NHSL1: variants seen among roughly 807,000 people sequenced by gnomAD.
The protein encoded by NHSL1 is NHS-like protein 1.
Under a neutral mutation model 95.0 loss-of-function variants are expected in NHSL1, and 48 were observed. The ratio of observed to expected loss-of-function variants is 0.51; its 90% CI spans 0.40 to 0.64. The LOEUF (loss-of-function observed/expected upper bound fraction) is 0.64, where lower values mean the gene tolerates loss of function less well. NHSL1 is among the 30% of genes least tolerant of loss of function. The probability of loss-of-function intolerance (pLI) is 0.00; values close to 1 mark genes in which losing one functional copy is unlikely to be tolerated. For missense variants in NHSL1, 1,971 were observed against 2,077.7 expected (o/e 0.95, Z 1.00); for synonymous variants, 783 against 833.9 (o/e 0.94, Z 1.05).
chr6:138,444,138 C>T (rs1252280212), intron 4 of NHSL1, among the ~76,000 whole-genome samples: 1 of 152,026 alleles, frequency 6.6e-6, no homozygotes, highest in Non-Finnish European at 1.5e-5. Flanking sequence ...TTACTCACTG[C>T]CTTTAATTGA....
chr6:138,673,030 G>GATA (rs747768393), intron 1 of NHSL1, among the ~76,000 whole-genome samples: 5 of 58,374 alleles, frequency 8.6e-5, no homozygotes, highest in African/African-American at 1.6e-4. Context: ...TAGATAGATA[G>GATA]GTAGATAGAT....
At chr6:138,437,411 TATAC>T (rs1307039272) in intron 5 of NHSL1, among the ~76,000 whole-genome samples, 8 of 71,550 alleles carry the variant, frequency 1.1e-4, no homozygotes, top group Admixed American at 2.2e-4. Flanking sequence ...TATACACACA[TATAC>T]ACACACACAC....
In NHSL1 at chr6:138,431,763, G is replaced by T. The variant is rs1775687505; in HGVS notation, c.2582C>A (p.Ala861Glu). The T allele has an allele frequency of 6.4e-7, 1 of 1,551,530 alleles. No homozygotes were observed. Among genetic ancestry groups the T allele is most frequent in the Admixed American group, 2.0e-5 (1 of 50,994 alleles). ...GYSSQSNTPT[A>E]LTPVPVFLKS... ...TAAAAACACAGGCACAGGGGTGAGT[G>T]CTGTGGGTGTATTCGACTGGCTGGA... The change falls in exon 6 of 8, where the codon GCA (alanine) becomes GAA (glutamate). Residue 861 changes from alanine to glutamate, a missense_variant. By Grantham distance (107) the Ala-to-Glu change is moderately radical (BLOSUM62 -1). Transcript: ENST00000343505. The surrounding 1 kb of genome is among the most constrained non-coding windows in gnomAD (Gnocchi z 4.0).
chr6:138,679,492 T>C (rs952378569), intron 1 of NHSL1, among the ~76,000 whole-genome samples: 6 of 152,320 alleles, frequency 3.9e-5, no homozygotes, highest in African/African-American at 1.2e-4. Context: ...AAGATAATGG[T>C]GGCCACTTCT....
At chr6:138,659,046 CTT>C (rs771033274) in intron 1 of NHSL1, among the ~76,000 whole-genome samples, 9 of 117,808 alleles carry the variant, frequency 7.6e-5, no homozygotes, top group South Asian at 2.9e-4. Flanking sequence ...TGTGGACTAT[CTT>C]TTTTTTTTTT....
upstream of NHSL1, among the ~76,000 whole-genome samples, chr6:138,499,848 C>A (rs1001669817): frequency 9.2e-5 from 14 of 152,114 alleles, no homozygotes; most frequent in Non-Finnish European, 1.3e-4. Flanking sequence ...GGGAAAAAAA[C>A]CAAACTATTG....
chr6:138,480,835 C>G (rs1419918004), intron 2 of NHSL1, among the ~76,000 whole-genome samples: 2 of 152,180 alleles, frequency 1.3e-5, no homozygotes, highest in African/African-American at 4.8e-5. Context: ...AAAGCTAATA[C>G]TACTGACACT....
chr6:138,644,556 C>T (rs1049405648), intron 1 of NHSL1, among the ~76,000 whole-genome samples: 1 of 152,132 alleles, frequency 6.6e-6, no homozygotes, highest in African/African-American at 2.4e-5. Flanking sequence ...AAAAAGTCAT[C>T]TGTATTGAAA....
At chr6:138,615,444 A>C (rs1250360757) in intron 1 of NHSL1, among the ~76,000 whole-genome samples, 1 of 152,168 alleles carries the variant, frequency 6.6e-6, no homozygotes, top group Non-Finnish European at 1.5e-5. Context: ...TTTTATATGG[A>C]AATAACCCAA....
rs775613037 is a variant in NHSL1 at position 138,430,442 on chromosome 6, C to T, written c.3903G>A (p.Ala1301=). 22 of 1,534,898 alleles carry T rather than the reference C, an allele frequency of 1.4e-5. No individual in the cohort carries two copies. Among genetic ancestry groups the T allele is most frequent in the South Asian group, 1.1e-4 (9 of 81,334 alleles). Residue 1301 remains alanine (A), a synonymous_variant, in exon 6 of 8, where the codon GCG becomes GCA. Coordinates refer to ENST00000343505, the MANE Select transcript of NHSL1 (RefSeq NM_001144060.2). The surrounding 1 kb of genome is among the most constrained non-coding windows in gnomAD (Gnocchi z 4.7). The part of the protein sequence containing the change: ...PKQEEPAENS[A]DTGGDGESCL... ...AGCTCTCCCCATCGCCCCCAGTATCCGCACTGTTCTCGGCTGGCTCCTCCT... is the reference window on the plus strand; with the variant it reads ...AGCTCTCCCCATCGCCCCCAGTATCTGCACTGTTCTCGGCTGGCTCCTCCT...
chr6:138,570,821 C>A (rs1373325953), intron 1 of NHSL1, among the ~76,000 whole-genome samples: 1 of 152,212 alleles, frequency 6.6e-6, no homozygotes, highest in East Asian at 1.9e-4. Flanking sequence ...ACATGGAAAA[C>A]ACAATCACGC....
intron 1 of NHSL1, among the ~76,000 whole-genome samples, chr6:138,612,931 T>C (rs572495133): frequency 1.3e-5 from 2 of 152,350 alleles, no homozygotes; most frequent in South Asian, 2.1e-4. Context: ...CTTTTAGTCT[T>C]AGTCGGACCA....
At chr6:138,573,102 G>A (rs1445241523), upstream of NHSL1, among the ~76,000 whole-genome samples, 1 of 152,154 alleles carries the variant, frequency 6.6e-6, no homozygotes, top group South Asian at 2.1e-4. Flanking sequence ...GCCCCTGGGG[G>A]TTATTCCTCT....
At chr6:138,497,669 C>G (rs1327892109) in intron 1 of NHSL1, among the ~76,000 whole-genome samples, 3 of 152,170 alleles carry the variant, frequency 2.0e-5, no homozygotes, top group Admixed American at 6.5e-5. Context: ...AGAAATAACT[C>G]AGGTAAAACA....
chr6:138,649,602 C>T (rs1329527109), intron 1 of NHSL1, among the ~76,000 whole-genome samples: 1 of 152,094 alleles, frequency 6.6e-6, no homozygotes, highest in Admixed American at 6.5e-5. Context: ...TGTGAGGCAT[C>T]GCCATTAAAC....
intron 1 of NHSL1, among the ~76,000 whole-genome samples, chr6:138,562,679 T>C (rs1267730549): frequency 2.6e-5 from 4 of 151,988 alleles, no homozygotes; most frequent in Non-Finnish European, 5.9e-5. Context: ...AAAAAATATA[T>C]AGCCTAACAT....
At chr6:138,570,666 G>A (rs557495878) in intron 1 of NHSL1, among the ~76,000 whole-genome samples, 52 of 152,338 alleles carry the variant, frequency 3.4e-4, no homozygotes, top group Non-Finnish European at 6.0e-4. Context: ...CAGCCTGTGC[G>A]ACATAATTAC....
intron 3 of NHSL1, chr6:138,464,287 G>A: frequency 2.6e-6 from 2 of 757,634 alleles, no homozygotes; most frequent in Admixed American, 3.8e-5. Context: ...GGCAGACCCT[G>A]GTGTCGTGGG....
chr6:138,456,182 A>G (rs1302257729), intron 3 of NHSL1, among the ~76,000 whole-genome samples: 1 of 152,230 alleles, frequency 6.6e-6, no homozygotes, highest in East Asian at 1.9e-4. Context: ...TAACAGCTGT[A>G]AACCAGGGCT....
Sources: gnomAD v4.1 joint callset for allele counts (sites outside exome capture counted in the v4.1 genomes callset) on GRCh38, gnomAD v4.1.1 for gene constraint, Gnocchi (gnomAD v3.1) non-coding constraint, MANE v1.5 for transcripts, NCBI Gene and HGNC (gene_info 2026-07-23, HGNC 2026-07-21) for gene names.